RPL5: variants seen among roughly 807,000 people sequenced by gnomAD.
RPL5 encodes the protein large ribosomal subunit protein uL18.
A neutral mutation model predicts 38.4 loss-of-function variants in RPL5; 1 was observed. That is an observed-to-expected ratio of 0.03 (90% CI 0.01 to 0.12). The LOEUF (loss-of-function observed/expected upper bound fraction) is 0.12. Ranked by LOEUF, RPL5 falls within the 10% of genes least tolerant of loss-of-function variation. RPL5 has a pLI of 1.00. For missense variants in RPL5, 243 were observed against 374.1 expected (o/e 0.65, Z 2.89); for synonymous variants, 109 against 121.2 (o/e 0.90, Z 0.66).
intron 3 of RPL5, chr1:92,834,038 A>G (rs1200276211): frequency 3.3e-6 from 1 of 302,652 alleles, no homozygotes; most frequent in Non-Finnish European, 6.3e-6. Context: ...TTGAGGCTGC[A>G]GTGAAGTGAG....
At chr1:92,835,557 G>A (rs1687086405) in intron 4 of RPL5, among the ~76,000 whole-genome samples, 1 of 151,676 alleles carries the variant, frequency 6.6e-6, no homozygotes, top group Non-Finnish European at 1.5e-5. Context: ...CTACTTGGGA[G>A]GCTGAGGCAG....
At chr1:92,840,495 A>T in intron 6 of RPL5, 56 bp from the exon 7 acceptor site, 1 of 1,262,794 alleles carries the variant, frequency 7.9e-7, no homozygotes, top group Non-Finnish European at 1.2e-6. Flanking sequence ...TGGTTGCATT[A>T]ATATAGTAGG....
intron 1 of RPL5, 73 bp downstream of exon 1, chr1:92,832,190 G>A: frequency 6.2e-7 from 1 of 1,602,134 alleles, no homozygotes; most frequent in Non-Finnish European, 8.5e-7. Flanking sequence ...GCCAGCCTAG[G>A]GCCCGTCTCG....
rs940796110 is a variant in RPL5, at chr1:92,835,599, G to A, written c.325-591G>A. Among the ~76,000 whole-genome samples, 4 of 148,546 alleles carry A rather than the reference G, an allele frequency of 2.7e-5. No individual in the cohort carries two copies. The South Asian group carries it at 8.4e-4, about 31-fold the overall frequency. On this transcript the variant is annotated intron_variant, in intron 4 of 7. Transcript: ENST00000370321. ...CACTTGAACCCAGAAGGCAGAGGTT[G>A]CAGTGAGCTGAGATCACGCCATTGC...
rs147349722 is a variant in RPL5 at position 92,832,215 on chromosome 1, C to T, written c.3+98C>T. The T allele has an allele frequency of 2.7e-4, 425 of 1,565,874 alleles. 1 individual carries two copies. In the African/African-American group the frequency reaches 4.7e-3, roughly 17 times the overall value. On this transcript the variant is annotated intron_variant, in intron 1 of 7. Transcript: ENST00000370321. ...GGCCCGTCTCGCGCGTCGCAGGGGC[C>T]GGATGGCGTTAGATTGCTAGCTCTG...
Position 92,836,171 on chromosome 1 carries a change from AC to A in RPL5, c.325-18del. 6.2e-7 allele frequency: 1 copy of A among 1,605,642 alleles called. No homozygotes were observed. Among genetic ancestry groups the A allele is most frequent in the Non-Finnish European group, 8.5e-7 (1 of 1,173,982 alleles). ...GTTTGAATAATTGAAACCAGCATTT[AC>A]ATTGGTTTCTTGAATAGCTTCTCAA... On this transcript the variant is annotated intron_variant, in intron 4 of 7. Transcript: ENST00000370321.
In RPL5 at chr1:92,834,923, A is replaced by G; in HGVS notation, c.324+10A>G. ...GCTGCTGGCCCGCAGGGTATGTACA[A>G]GATGATTTTAATTGATGTAGTTTGT... On this transcript the variant is annotated intron_variant, in intron 4 of 7. Coordinates refer to ENST00000370321, the MANE Select transcript of RPL5 (RefSeq NM_000969.5). 6.2e-7 allele frequency: 1 copy of G among 1,600,308 alleles called. No individual in the cohort carries two copies. The highest frequency in any genetic ancestry group is 2.2e-5 in the East Asian group (1 of 44,884).
rs1185646220 is a variant in RPL5 at position 92,832,175 on chromosome 1, C to T, written c.3+58C>T. On this transcript the variant is annotated intron_variant, in intron 1 of 7. Coordinates refer to ENST00000370321, the MANE Select transcript of RPL5 (RefSeq NM_000969.5). Reference sequence around the variant, plus strand: ...TGCATGGAGGTTCCCTTTTCTTGCCCGTATGCCAGCCTAGGGCCCGTCTCG... The same window carrying T: ...TGCATGGAGGTTCCCTTTTCTTGCCTGTATGCCAGCCTAGGGCCCGTCTCG... The T allele has an allele frequency of 1.2e-5, 20 of 1,609,612 alleles. No individual in the cohort carries two copies. The South Asian group carries it at 2.0e-4, about 16-fold the overall frequency.
At position 92,836,247 on chromosome 1, in the gene RPL5, G is replaced by T. The variant is rs1295258351; in HGVS notation, c.382G>T (p.Asp128Tyr). 1.2e-6 allele frequency: 2 copies of T among 1,613,538 alleles called. No homozygotes were observed. Among genetic ancestry groups the T allele is most frequent in the East Asian group, 2.2e-5 (1 of 44,906 alleles). ...TGAAGGCCAAGTGGAGGTGACTGGT[G>T]ATGAATACAATGTGGAAAGCATTGA... ...IYEGQVEVTG[D>Y]EYNVESIDGQ... is the part of the protein sequence containing the mutation. Residue 128 changes from aspartate to tyrosine, a missense_variant, in exon 5 of 8, where the codon GAT becomes TAT. Physicochemically the swap from Asp to Tyr is radical, Grantham distance 160. Coordinates refer to ENST00000370321, the MANE Select transcript of RPL5 (RefSeq NM_000969.5).
Position 92,837,618 on chromosome 1 carries a change from C to T in RPL5, c.690C>T (p.Ser230=), listed in dbSNP as rs766117227. Residue 230 remains serine (S), a synonymous_variant, in exon 6 of 8, where the codon AGC becomes AGT. Transcript: ENST00000370321. The stretch of plus-strand genomic sequence containing the variant: ...AGTTCTCTCAATACATAAAGAACAG[C>T]GTAACTCCAGACATGGTAAAACATT... ...KKQFSQYIKN[S]VTPDMMEEMY... 1.4e-5 allele frequency: 22 copies of T among 1,611,608 alleles called. No individual in the cohort carries two copies. Among genetic ancestry groups the T allele is most frequent in the African/African-American group, 5.3e-5 (4 of 74,818 alleles).
intron 4 of RPL5, among the ~76,000 whole-genome samples, 184 bp from the exon 5 acceptor site, chr1:92,836,006 T>C (rs1687110145): frequency 3.9e-5 from 6 of 152,200 alleles, no homozygotes. Context: ...AATTGAATGT[T>C]TTAAGTTTTT....
At chr1:92,839,840 TTTC>T (rs1446605460) in intron 6 of RPL5, among the ~76,000 whole-genome samples, 1 of 151,906 alleles carries the variant, frequency 6.6e-6, no homozygotes, top group Non-Finnish European at 1.5e-5. Flanking sequence ...TTCTTTTTGT[TTTC>T]TTACTTTTTT....
rs201107238 is a variant in RPL5 at position 92,841,728 on chromosome 1, G to A, written c.795-38G>A. On this transcript the variant is annotated intron_variant, in intron 7 of 7. Transcript: ENST00000370321. ...TAAATTAAATATTCTATTCTCTTCA[G>A]TTATAGTTTAAAAAATATATATTCC... is the stretch of plus-strand genomic sequence containing the variant. 3.8e-4 allele frequency: 506 copies of A among 1,345,286 alleles called. 2 individuals carry two copies. In the African/African-American group the frequency reaches 6.7e-3, roughly 18 times the overall value. 83.3% of individuals were successfully genotyped at this position (1,345,286 alleles called of 1,614,324 possible). A position where few individuals can be genotyped will look rare whatever the true frequency, so the allele number is the denominator to read the frequency against.
chr1:92,839,701 C>G (rs971324617), intron 6 of RPL5, among the ~76,000 whole-genome samples: 2 of 152,126 alleles, frequency 1.3e-5, no homozygotes, highest in Admixed American at 6.6e-5. Context: ...GGCACTTGTT[C>G]TTGAATGAAA....
chr1:92,841,664 T>A (rs191899046), intron 7 of RPL5, 102 bp from the exon 8 acceptor site: 13 of 714,374 alleles, frequency 1.8e-5, no homozygotes, highest in Middle Eastern at 4.5e-4. Context: ...TTGCAAAGTC[T>A]TAAATATTCT....
intron 4 of RPL5, among the ~76,000 whole-genome samples, chr1:92,835,501 A>G (rs1001520666): frequency 5.3e-5 from 7 of 131,320 alleles, no homozygotes; most frequent in African/African-American, 1.5e-4. Context: ...AAAAAAGTAG[A>G]AAAAAAAAAA....
chr1:92,837,270 T>A (rs1482806291), intron 5 of RPL5, 186 bp from the exon 6 acceptor site: 1 of 771,378 alleles, frequency 1.3e-6, no homozygotes, highest in African/African-American at 1.7e-5. Flanking sequence ...TTTTCTGTCC[T>A]GGAATTCAGA....
intron 4 of RPL5, 196 bp downstream of exon 4, chr1:92,835,109 A>C (rs905830794): frequency 9.6e-6 from 7 of 725,390 alleles, no homozygotes; most frequent in South Asian, 8.6e-5. Flanking sequence ...ACAAATCTGT[A>C]ATTTGCTGTC....
rs761298943 is a variant in RPL5, at chr1:92,833,590, A to G, written c.119A>G (p.Asp40Gly). Residue 40 changes from aspartate (D) to glycine (G), a missense_variant, in exon 3 of 8, where the codon GAT becomes GGT. By Grantham distance (94) the Asp-to-Gly change is moderately conservative (BLOSUM62 -1). Coordinates refer to ENST00000370321, the MANE Select transcript of RPL5 (RefSeq NM_000969.5). ...GCTCGGAAACGCTTGGTGATACAAG[A>G]TAAAAATAAATACAACACACCCAAA... is the stretch of plus-strand genomic sequence containing the variant. ...YYARKRLVIQ[D>G]KNKYNTPKYR... 6.2e-7 allele frequency: 1 copy of G among 1,613,126 alleles called. No individual in the cohort carries two copies. The highest frequency in any genetic ancestry group is 8.5e-7 in the Non-Finnish European group (1 of 1,180,018).
Sources: allele counts gnomAD v4.1 joint callset (sites outside exome capture counted in the v4.1 genomes callset), GRCh38; gene constraint gnomAD v4.1.1; transcripts MANE v1.5; gene names NCBI Gene and HGNC (gene_info 2026-07-23, HGNC 2026-07-21).